Variants in NCAM2 observed in about 807,000 individuals in gnomAD.
The protein encoded by NCAM2 is N-CAM-2.
NCAM2 carries 30 observed loss-of-function variants against 98.1 expected under a neutral mutation model. The ratio of observed to expected loss-of-function variants is 0.31; its 90% CI spans 0.23 to 0.41. NCAM2 has a LOEUF of 0.41. Ranked by LOEUF, NCAM2 falls within the 10% of genes least tolerant of loss-of-function variation. The pLI is 1.00. For synonymous variants in NCAM2, 368 were observed against 342.4 expected (o/e 1.07, Z -0.83); for missense variants, 867 against 1,005.8 (o/e 0.86, Z 1.87).
chr21:21,245,128 TCAA>T (rs1207508490), intron 1 of NCAM2, among the ~76,000 whole-genome samples: 1 of 152,168 alleles, frequency 6.6e-6, no homozygotes, highest in Non-Finnish European at 1.5e-5. Flanking sequence ...GTACCATTCA[TCAA>T]CACTACATTT....
intron 1 of NCAM2, among the ~76,000 whole-genome samples, chr21:21,138,365 CAGAT>C: frequency 6.6e-6 from 1 of 152,146 alleles, no homozygotes. Flanking sequence ...GTTTCAGAGA[CAGAT>C]AGATGTGTTT....
chr21:21,096,863 T>A (rs970882940), intron 1 of NCAM2, among the ~76,000 whole-genome samples: 2 of 151,692 alleles, frequency 1.3e-5, no homozygotes, highest in African/African-American at 4.8e-5. Flanking sequence ...TGTCTATATC[T>A]TTATTTGTTA....
At chr21:21,419,685 T>C (rs61389459) in intron 11 of NCAM2, among the ~76,000 whole-genome samples, 34,517 of 151,736 alleles carry the variant, frequency 0.23, 4,196 homozygotes, top group South Asian at 0.28. Flanking sequence ...ACAGAGGACA[T>C]GAACTCTTCA....
intron 5 of NCAM2, among the ~76,000 whole-genome samples, chr21:21,312,283 T>C (rs1424318061): frequency 6.6e-6 from 1 of 151,750 alleles, no homozygotes; most frequent in Non-Finnish European, 1.5e-5. Context: ...CTTTAAACTG[T>C]TAAGTTGGAT....
chr21:21,346,391 ATAT>A lies in NCAM2; in HGVS notation c.1044+7863_1044+7865del, dbSNP rs1328193641. ...GGGAGAACCCAGATACATAATGGAAATATTATTAGAGCTGAAGAGAGAGGTCCC... is the reference window on the plus strand; with the variant it reads ...GGGAGAACCCAGATACATAATGGAAATATTAGAGCTGAAGAGAGAGGTCCC... On this transcript the variant is annotated intron_variant, in intron 8 of 17. Coordinates refer to ENST00000400546, the MANE Select transcript of NCAM2 (RefSeq NM_004540.5). Among the ~76,000 whole-genome samples the A allele has an allele frequency of 5.9e-5, 9 of 152,206 alleles. 1 individual carries two copies. In the East Asian group the frequency reaches 1.7e-3, roughly 29 times the overall value.
chr21:21,398,858 T>TA, intron 9 of NCAM2, among the ~76,000 whole-genome samples: 1 of 152,202 alleles, frequency 6.6e-6, no homozygotes, highest in African/African-American at 2.4e-5. Flanking sequence ...CAAATCTAAG[T>TA]TCAGCTGCTC....
intron 1 of NCAM2, among the ~76,000 whole-genome samples, chr21:21,262,003 A>G (rs2147349924): frequency 6.6e-6 from 1 of 152,290 alleles, no homozygotes; most frequent in Non-Finnish European, 1.5e-5. Flanking sequence ...AAGTAAGAAC[A>G]ATCAGAAATG....
chr21:21,097,857 T>C (rs957476899), intron 1 of NCAM2, among the ~76,000 whole-genome samples: 3 of 66,930 alleles, frequency 4.5e-5, no homozygotes, highest in Non-Finnish European at 8.2e-5. Flanking sequence ...TGAACAAACG[T>C]TCTGTGGTTG....
At chr21:21,118,605 A>G (rs1381126882) in intron 1 of NCAM2, among the ~76,000 whole-genome samples, 1 of 152,072 alleles carries the variant, frequency 6.6e-6, no homozygotes, top group Non-Finnish European at 1.5e-5. Context: ...AACAAAGGGT[A>G]TTGCTTTGTT....
At chr21:21,374,878 A>G (rs2075996711) in intron 9 of NCAM2, among the ~76,000 whole-genome samples, 1 of 151,844 alleles carries the variant, frequency 6.6e-6, no homozygotes, top group Non-Finnish European at 1.5e-5. Context: ...CTTATCGAGA[A>G]TGCCTTCAAA....
intron 9 of NCAM2, among the ~76,000 whole-genome samples, chr21:21,386,305 C>T (rs913177433): frequency 1.3e-5 from 2 of 152,096 alleles, no homozygotes; most frequent in Non-Finnish European, 2.9e-5. Context: ...TAGAAAAATT[C>T]CTTGGTCATA....
intron 1 of NCAM2, among the ~76,000 whole-genome samples, chr21:21,034,810 G>T (rs2146237699): frequency 6.6e-6 from 1 of 150,454 alleles, no homozygotes; most frequent in South Asian, 2.1e-4. Context: ...CAATTTATTT[G>T]TGAAACAAGT....
intron 1 of NCAM2, among the ~76,000 whole-genome samples, chr21:21,075,718 A>T (rs1568995631): frequency 6.6e-6 from 1 of 152,072 alleles, no homozygotes; most frequent in Non-Finnish European, 1.5e-5. Flanking sequence ...TGGGTATTGA[A>T]TTTTATCAAG....
intron 8 of NCAM2, among the ~76,000 whole-genome samples, chr21:21,359,154 A>AT (rs1244799190): frequency 2.0e-5 from 3 of 151,866 alleles, no homozygotes; most frequent in Admixed American, 1.3e-4. Context: ...TTTCTGAAGG[A>AT]TTTTTTATTT....
At chr21:21,463,149 C>T (rs1983217136) in intron 12 of NCAM2, among the ~76,000 whole-genome samples, 1 of 152,180 alleles carries the variant, frequency 6.6e-6, no homozygotes, top group Admixed American at 6.6e-5. Flanking sequence ...TTCTTTCAGT[C>T]CCTACCTTGG....
At chr21:21,537,596 A>T (rs1322587646) in intron 17 of NCAM2, among the ~76,000 whole-genome samples, 1 of 151,316 alleles carries the variant, frequency 6.6e-6, no homozygotes, top group Non-Finnish European at 1.5e-5. Context: ...TACATTTTTA[A>T]AAGGCCAAGT....
At chr21:21,265,411 T>TATATATATTATATATACAC (rs2072207771) in intron 1 of NCAM2, among the ~76,000 whole-genome samples, 3 of 59,664 alleles carry the variant, frequency 5.0e-5, no homozygotes, top group Non-Finnish European at 1.1e-4. Flanking sequence ...TATATATGTG[T>TATATATATTATATATACAC]ATATATAATA....
At chr21:21,179,986 A>G (rs2068417086) in intron 1 of NCAM2, among the ~76,000 whole-genome samples, 2 of 152,216 alleles carry the variant, frequency 1.3e-5, no homozygotes, top group South Asian at 2.1e-4. Context: ...GGACTGCCAG[A>G]CAGTCCCAAA....
Position 21,260,476 on chromosome 21 carries a change from G to T in NCAM2, c.56-20102G>T, listed in dbSNP as rs564489059. ...GGAAAAGTTACAAATTACCTATGAA[G>T]GAAATCTCATCAGAGTAACAGCGGA... On this transcript the variant is annotated intron_variant, in intron 1 of 17. Coordinates refer to ENST00000400546, the MANE Select transcript of NCAM2 (RefSeq NM_004540.5). Among the ~76,000 whole-genome samples the T allele has an allele frequency of 8.6e-5, 13 of 151,634 alleles. No individual in the cohort carries two copies. In the South Asian group the frequency reaches 1.2e-3, roughly 15 times the overall value.
Sources: gnomAD v4.1 joint callset for allele counts (sites outside exome capture counted in the v4.1 genomes callset) on GRCh38, gnomAD v4.1.1 for gene constraint, MANE v1.5 for transcripts, NCBI Gene and HGNC (gene_info 2026-07-23, HGNC 2026-07-21) for gene names.